The following APBA1 variants were observed in gnomAD, a reference collection of about 807,000 sequenced individuals.
APBA1 encodes the protein amyloid-beta A4 precursor protein-binding family A member 1.
Under a neutral mutation model 86.6 loss-of-function variants are expected in APBA1, and 55 were observed. The observed-to-expected ratio is 0.64, with a 90% CI of 0.51 to 0.80. The LOEUF (loss-of-function observed/expected upper bound fraction) is 0.80. APBA1 is among the 30% of genes least tolerant of loss of function. The probability of loss-of-function intolerance (pLI) is 0.00; values close to 1 mark genes in which losing one functional copy is unlikely to be tolerated. For missense variants in APBA1, 1,090 were observed against 1,183.0 expected (o/e 0.92, Z 1.15); for synonymous variants, 511 against 493.9 (o/e 1.03, Z -0.46).
chr9:69,595,292 T>C (rs1045574102), intron 1 of APBA1, among the ~76,000 whole-genome samples: 1 of 152,200 alleles, frequency 6.6e-6, no homozygotes, highest in Non-Finnish European at 1.5e-5. Context: ...TTGACTTATC[T>C]TCTAGTTTAG....
chr9:69,453,592 C>A (rs779876196), intron 8 of APBA1, among the ~76,000 whole-genome samples: 1 of 152,196 alleles, frequency 6.6e-6, no homozygotes, highest in Non-Finnish European at 1.5e-5. Context: ...GATTCTATGA[C>A]AGCTATTAGT....
At chr9:69,534,315 C>T (rs1355319998) in intron 1 of APBA1, among the ~76,000 whole-genome samples, 1 of 152,194 alleles carries the variant, frequency 6.6e-6, no homozygotes, top group African/African-American at 2.4e-5. Flanking sequence ...TTTATAAACT[C>T]TCCTTGCGTC....
intron 1 of APBA1, among the ~76,000 whole-genome samples, chr9:69,555,481 C>T (rs1199823982): frequency 6.6e-6 from 1 of 151,956 alleles, no homozygotes; most frequent in African/African-American, 2.4e-5. Context: ...ATATGTTGTG[C>T]AGTAATTTGT....
chr9:69,632,575 G>C (rs1270657502), intron 1 of APBA1, among the ~76,000 whole-genome samples: 1 of 152,088 alleles, frequency 6.6e-6, no homozygotes, highest in Non-Finnish European at 1.5e-5. Flanking sequence ...TAGATGTAGT[G>C]TTTACAACAG....
rs762051788 is a variant in APBA1, at chr9:69,456,418, G to A, written c.1617C>T (p.Asp539=). The A allele has an allele frequency of 1.3e-6, 2 of 1,597,876 alleles. No individual in the cohort carries two copies. Among genetic ancestry groups the A allele is most frequent in the Non-Finnish European group, 1.7e-6 (2 of 1,170,556 alleles). Residue 539 remains aspartate (D), a synonymous_variant, in exon 8 of 13, where the codon GAC becomes GAT. Transcript: ENST00000265381. ...TGTAGGAAATGGTCCTCAGAGGGTG[G>A]TCCATCATTGTCTCCTGGAGGCAGG... ...LNADTQETMM[D]HPLRTISYIA...
intron 2 of APBA1, among the ~76,000 whole-genome samples, chr9:69,497,865 C>A (rs1835824361): frequency 1.3e-5 from 2 of 152,100 alleles, no homozygotes; most frequent in Admixed American, 6.5e-5. Context: ...GACAACAAAA[C>A]AAATGCAGCC....
intron 1 of APBA1, among the ~76,000 whole-genome samples, chr9:69,623,797 G>A (rs1235082789): frequency 6.6e-6 from 1 of 152,128 alleles, no homozygotes; most frequent in Non-Finnish European, 1.5e-5. Context: ...TGACACTCTT[G>A]AGGATGTTCA....
intron 3 of APBA1, chr9:69,472,637 T>C (rs1012700390): frequency 6.6e-6 from 1 of 152,204 alleles, no homozygotes; most frequent in African/African-American, 2.4e-5. Flanking sequence ...ACCTACCCGG[T>C]TCTTAGGTGA....
intron 9 of APBA1, among the ~76,000 whole-genome samples, chr9:69,450,964 T>G (rs1283432805): frequency 6.6e-6 from 1 of 152,184 alleles, no homozygotes; most frequent in Non-Finnish European, 1.5e-5. Flanking sequence ...AAGGAACCAA[T>G]GCTAACAACA....
At chr9:69,602,425 G>C (rs1564089000) in intron 1 of APBA1, among the ~76,000 whole-genome samples, 1 of 152,120 alleles carries the variant, frequency 6.6e-6, no homozygotes, top group East Asian at 1.9e-4. Context: ...CAAACAATTA[G>C]CTGGGCATGG....
intron 1 of APBA1, among the ~76,000 whole-genome samples, chr9:69,662,021 AACAC>A (rs3069250): frequency 0.52 from 76,007 of 146,508 alleles, 19,742 homozygotes; most frequent in East Asian, 0.8. Context: ...GACAAACAGT[AACAC>A]ACACACACAC....
chr9:69,502,069 A>G (rs1385458339), intron 2 of APBA1, among the ~76,000 whole-genome samples: 2 of 152,134 alleles, frequency 1.3e-5, no homozygotes, highest in African/African-American at 2.4e-5. Flanking sequence ...CAATCCATCA[A>G]AAAGTTGAGA....
At chr9:69,441,188 C>G (rs938900235) in intron 10 of APBA1, 73 bp from the exon 11 acceptor site, 1 of 1,539,182 alleles carries the variant, frequency 6.5e-7, no homozygotes, top group Non-Finnish European at 8.8e-7. Context: ...CAGGCAGCAC[C>G]AAAGGCAAAA....
At chr9:69,624,530 C>T (rs1221868125) in intron 1 of APBA1, among the ~76,000 whole-genome samples, 1 of 152,172 alleles carries the variant, frequency 6.6e-6, no homozygotes, top group East Asian at 1.9e-4. Flanking sequence ...GTCACCTCCA[C>T]CATGACTCCA....
chr9:69,449,845 G>A (rs1310339956), intron 9 of APBA1, 49 bp from the exon 10 acceptor site: 3 of 1,541,952 alleles, frequency 1.9e-6, no homozygotes, highest in East Asian at 4.6e-5. Flanking sequence ...ACCATCTGGG[G>A]TAGGTAGAAA....
Position 69,530,327 on chromosome 9 carries a change from TATACACACACAC to T in APBA1, c.-69-13060_-69-13049del, listed in dbSNP as rs1320032442. Among the ~76,000 whole-genome samples, 735 of 127,486 alleles carry T rather than the reference TATACACACACAC, an allele frequency of 5.8e-3. 6 individuals are homozygous for T. Among genetic ancestry groups the T allele is most frequent in the African/African-American group, 0.022 (690 of 31,652 alleles). The allele number at this position is 127,486 out of a possible 152,430, so 83.6% of individuals were successfully genotyped here. On this transcript the variant is annotated intron_variant, in intron 1 of 12. Transcript: ENST00000265381. ...GTGTGTATATATATATATATATATA[TATACACACACAC>T]ACACACACACACACACACATGCAAC...
chr9:69,450,625 T>G (rs1055621285), intron 9 of APBA1, among the ~76,000 whole-genome samples: 11 of 152,178 alleles, frequency 7.2e-5, no homozygotes, highest in Admixed American at 6.5e-4. Context: ...CACATTCTGT[T>G]AAGGTTGAAT....
intron 4 of APBA1, among the ~76,000 whole-genome samples, chr9:69,471,302 C>T (rs1835362633): frequency 1.3e-5 from 2 of 152,028 alleles, no homozygotes; most frequent in Non-Finnish European, 2.9e-5. Flanking sequence ...ATGTTCATTC[C>T]CACTTGAATT....
At chr9:69,522,110 A>G (rs62567231) in intron 1 of APBA1, among the ~76,000 whole-genome samples, 15,073 of 151,086 alleles carry the variant, frequency 0.1, 886 homozygotes, top group East Asian at 0.28. Context: ...ATATATATAT[A>G]TGTGTGTGTG....
Sources: gnomAD v4.1 joint callset for allele counts (sites outside exome capture counted in the v4.1 genomes callset) on GRCh38, gnomAD v4.1.1 for gene constraint, MANE v1.5 for transcripts, NCBI Gene and HGNC (gene_info 2026-07-23, HGNC 2026-07-21) for gene names.